PLGRKT: variants seen among roughly 807,000 people sequenced by gnomAD.
PLGRKT encodes the protein plasminogen receptor (KT).
In PLGRKT, 22 loss-of-function variants were observed where a neutral mutation model predicts 18.5. That is an observed-to-expected ratio of 1.19 (90% CI 0.85 to 1.70). The LOEUF is 1.70. Ranked by LOEUF, PLGRKT falls within the 40% of genes most tolerant of loss-of-function variation. The pLI, the probability that PLGRKT is intolerant of heterozygous loss-of-function variation, is 0.00. For missense variants in PLGRKT, 235 were observed against 174.4 expected (o/e 1.35, Z -1.96); for synonymous variants, 72 against 52.8 (o/e 1.36, Z -1.58).
chr9:5,398,089 A>G (rs1032790029), intron 3 of PLGRKT, among the ~76,000 whole-genome samples: 3 of 151,850 alleles, frequency 2.0e-5, no homozygotes, highest in Middle Eastern at 3.2e-3. Context: ...CAGTGGATGG[A>G]CAGCAAAACG....
intron 3 of PLGRKT, among the ~76,000 whole-genome samples, chr9:5,377,156 G>A (rs1190311971): frequency 6.6e-6 from 1 of 151,912 alleles, no homozygotes; most frequent in Non-Finnish European, 1.5e-5. Context: ...CCTACATTGT[G>A]AAGGCTAGCC....
intron 3 of PLGRKT, among the ~76,000 whole-genome samples, chr9:5,431,087 T>C (rs1818812655): frequency 6.6e-6 from 1 of 152,216 alleles, no homozygotes; most frequent in African/African-American, 2.4e-5. Context: ...TGCATCCCTG[T>C]AGAGGCTCTA....
chr9:5,361,141 A>G lies in PLGRKT; in HGVS notation c.259T>C (p.Leu87=), dbSNP rs1414736359. 2 of 1,612,086 alleles carry G rather than the reference A, an allele frequency of 1.2e-6. No individual in the cohort carries two copies. The highest frequency in any genetic ancestry group is 1.7e-6 in the Non-Finnish European group (2 of 1,178,372). Residue 87 remains leucine, a synonymous_variant, in exon 5 of 6, where the codon TTA becomes CTA. Coordinates refer to ENST00000223864, the MANE Select transcript of PLGRKT (RefSeq NM_018465.4). ...KPAFLVPIVP[L]SFILTYQYDL... is the part of the protein sequence containing the mutation. ...TACTGGTAGGTGAGGATAAAGCTTA[A>G]TGGAACAATCGGGACCAGGAAGGCT...
At chr9:5,403,435 G>A (rs1818195185) in intron 3 of PLGRKT, among the ~76,000 whole-genome samples, 1 of 152,056 alleles carries the variant, frequency 6.6e-6, no homozygotes, top group South Asian at 2.1e-4. Context: ...AAGTTAGCCA[G>A]GCTGGTCTCG....
At chr9:5,398,119 A>G (rs144308949) in intron 3 of PLGRKT, among the ~76,000 whole-genome samples, 1,847 of 151,820 alleles carry the variant, frequency 0.012, 68 homozygotes, top group African/African-American at 0.043. Context: ...AATGAATAAG[A>G]TCCCTTCCAA....
At position 5,358,084 on chromosome 9, in the gene PLGRKT, A is replaced by C. The variant is rs145668134; in HGVS notation, c.*155T>G. On this transcript the variant is annotated 3_prime_UTR_variant, in exon 6 of 6. Transcript: ENST00000223864. ...CCTCCATGATTTTGTGTTGAATGTT[A>C]TAAATTTTATTTTAAAATAGCTCAA... 9 of 541,298 alleles carry C rather than the reference A, an allele frequency of 1.7e-5. No individual in the cohort carries two copies. The highest frequency in any genetic ancestry group is 2.8e-5 in the Non-Finnish European group (9 of 322,022). The allele number at this position is 541,298 out of a possible 1,614,324, so 33.5% of individuals were successfully genotyped here. A position where few individuals can be genotyped will look rare whatever the true frequency, so the allele number is the denominator to read the frequency against.
intron 3 of PLGRKT, among the ~76,000 whole-genome samples, chr9:5,366,914 A>G (rs1183473439): frequency 1.3e-5 from 2 of 152,082 alleles, no homozygotes; most frequent in Non-Finnish European, 2.9e-5. Context: ...TAAAGTTTCA[A>G]GATACAAAAT....
intron 3 of PLGRKT, among the ~76,000 whole-genome samples, chr9:5,394,182 G>A (rs181354581): frequency 1.3e-5 from 2 of 151,800 alleles, no homozygotes; most frequent in Non-Finnish European, 2.9e-5. Context: ...TTGATGTTGT[G>A]ACTAAGATTT....
intron 2 of PLGRKT, among the ~76,000 whole-genome samples, chr9:5,432,473 A>T (rs988217980): frequency 6.6e-6 from 1 of 152,124 alleles, no homozygotes; most frequent in Non-Finnish European, 1.5e-5. Flanking sequence ...TTTGCGTTTT[A>T]AGAAGATTGA....
chr9:5,388,434 C>G (rs1235477080), intron 3 of PLGRKT, among the ~76,000 whole-genome samples: 1 of 151,982 alleles, frequency 6.6e-6, no homozygotes, highest in African/African-American at 2.4e-5. Flanking sequence ...CAATAAATAT[C>G]ATAGGATATA....
At chr9:5,411,184 G>C (rs1480933278) in intron 3 of PLGRKT, among the ~76,000 whole-genome samples, 1 of 151,982 alleles carries the variant, frequency 6.6e-6, no homozygotes, top group African/African-American at 2.4e-5. Context: ...GGGAGTTTGA[G>C]ATCAGCCTGG....
intron 2 of PLGRKT, among the ~76,000 whole-genome samples, chr9:5,434,189 C>T (rs564785375): frequency 1.7e-3 from 248 of 147,850 alleles, no homozygotes; most frequent in African/African-American, 5.8e-3. Context: ...GCCGCCACCC[C>T]GTCTGGGAGG....
At chr9:5,404,375 C>G (rs548433937) in intron 3 of PLGRKT, among the ~76,000 whole-genome samples, 165 of 152,280 alleles carry the variant, frequency 1.1e-3, no homozygotes, top group African/African-American at 3.9e-3. Flanking sequence ...CAAAAATCCT[C>G]AATAAAATAC....
chr9:5,414,841 A>T (rs1053343326), intron 3 of PLGRKT, among the ~76,000 whole-genome samples: 1 of 152,232 alleles, frequency 6.6e-6, no homozygotes, highest in African/African-American at 2.4e-5. Flanking sequence ...GAATGAAGAA[A>T]GGGGAAGAGC....
chr9:5,373,594 G>A (rs1206026385), intron 3 of PLGRKT, among the ~76,000 whole-genome samples: 1 of 152,082 alleles, frequency 6.6e-6, no homozygotes, highest in East Asian at 1.9e-4. Context: ...GAGCCCGTAA[G>A]TTCAAGACCA....
intron 3 of PLGRKT, among the ~76,000 whole-genome samples, chr9:5,371,015 G>A (rs952547044): frequency 3.3e-5 from 5 of 152,048 alleles, no homozygotes; most frequent in Admixed American, 6.6e-5. Context: ...TTATTCAAAG[G>A]CTTAAAAGCT....
At chr9:5,403,276 T>C (rs1371594488) in intron 3 of PLGRKT, among the ~76,000 whole-genome samples, 1 of 148,720 alleles carries the variant, frequency 6.7e-6, no homozygotes, top group Non-Finnish European at 1.5e-5. Context: ...CAAGCTGGAG[T>C]ACAATGGTGC....
intron 3 of PLGRKT, among the ~76,000 whole-genome samples, chr9:5,391,082 A>T (rs1487318100): frequency 1.3e-5 from 2 of 151,972 alleles, no homozygotes; most frequent in Admixed American, 1.3e-4. Flanking sequence ...CCAGAAAAGT[A>T]CTTTGCGGAA....
At chr9:5,387,092 C>G in intron 3 of PLGRKT, among the ~76,000 whole-genome samples, 1 of 151,900 alleles carries the variant, frequency 6.6e-6, no homozygotes, top group Admixed American at 6.6e-5. Flanking sequence ...AAAGCAGGTT[C>G]TGATTATGTA....
Sources: allele counts gnomAD v4.1 joint callset (sites outside exome capture counted in the v4.1 genomes callset), GRCh38; gene constraint gnomAD v4.1.1; transcripts MANE v1.5; gene names NCBI Gene and HGNC (gene_info 2026-07-23, HGNC 2026-07-21).